PRDM6: variants seen among roughly 807,000 people sequenced by gnomAD.
PRDM6 encodes PR/SET domain 6, also known as putative histone-lysine N-methyltransferase PRDM6.
In PRDM6, 25 loss-of-function variants were observed where a neutral mutation model predicts 60.8. The observed-to-expected ratio is 0.41, with a 90% CI of 0.30 to 0.57. PRDM6 has a LOEUF of 0.57. Ranked by LOEUF, PRDM6 falls within the 20% of genes least tolerant of loss-of-function variation. The pLI, the probability that PRDM6 is intolerant of heterozygous loss-of-function variation, is 0.27. For synonymous variants in PRDM6, 407 were observed against 357.4 expected, an observed-to-expected ratio of 1.14 and a Z score of -1.57; for missense variants, 839 against 821.3, an observed-to-expected ratio of 1.02 and a Z score of -0.26.
intron 5 of PRDM6, among the ~76,000 whole-genome samples, chr5:123,164,610 C>G (rs1765714744): frequency 6.6e-6 from 1 of 152,192 alleles, no homozygotes; most frequent in South Asian, 2.1e-4. Flanking sequence ...GCTTCTGACT[C>G]TTCTGCAAGA....
intron 6 of PRDM6, among the ~76,000 whole-genome samples, chr5:123,177,581 A>G (rs1350898849): frequency 6.6e-6 from 1 of 152,184 alleles, no homozygotes; most frequent in African/African-American, 2.4e-5. Flanking sequence ...TTACCAATGC[A>G]TTTAAATTTT....
In PRDM6 at chr5:123,099,931, C is replaced by T; in HGVS notation, c.870C>T (p.Gly290=). Residue 290 remains glycine (G), a synonymous_variant, in exon 3 of 8, where the codon GGC becomes GGT. Coordinates refer to ENST00000407847, the MANE Select transcript of PRDM6 (RefSeq NM_001136239.4). This position sits in a 1 kb window ranked among gnomAD's most constrained non-coding sequence, Gnocchi z 4.0. The part of the protein sequence containing the change: ...VLLPPEKVQA[G]AVRNTQHLWE... ...TGCCCCCAGAGAAGGTGCAGGCAGGCGCCGTGAGGAACACGCAGCATCTCT... is the reference window on the plus strand; with the variant it reads ...TGCCCCCAGAGAAGGTGCAGGCAGGTGCCGTGAGGAACACGCAGCATCTCT... 2 of 1,535,614 alleles carry T rather than the reference C, an allele frequency of 1.3e-6. No individual in the cohort carries two copies. The highest frequency in any genetic ancestry group is 1.8e-6 in the Non-Finnish European group (2 of 1,136,864).
At chr5:123,115,082 C>T (rs1410153187) in intron 3 of PRDM6, among the ~76,000 whole-genome samples, 2 of 152,144 alleles carry the variant, frequency 1.3e-5, no homozygotes, top group Admixed American at 6.5e-5. Context: ...AGGTGTAAGA[C>T]ATCTGTAGTT....
Position 123,090,590 on chromosome 5 carries a change from C to T in PRDM6, c.576C>T (p.Thr192=), listed in dbSNP as rs1415274941. The T allele has an allele frequency of 1.5e-5, 23 of 1,524,110 alleles. No homozygotes were observed. Among genetic ancestry groups the T allele is most frequent in the Middle Eastern group, 2.3e-4 (1 of 4,360 alleles). 94.4% of individuals were successfully genotyped at this position (1,524,110 alleles called of 1,614,324 possible). ...AGATCATCCCGCTCAACCAGCACAC[C>T]AGCGACCCCAACAACCGTACGTAGC... The part of the protein sequence containing the change: ...RMEIIPLNQH[T]SDPNNRCDMC... The change falls in exon 2 of 8, where the codon ACC becomes ACT. Residue 192 remains threonine, a synonymous_variant. Coordinates refer to ENST00000407847, the MANE Select transcript of PRDM6 (RefSeq NM_001136239.4).
chr5:123,182,310 C>CA (rs1766183041), intron 7 of PRDM6, among the ~76,000 whole-genome samples: 1 of 152,194 alleles, frequency 6.6e-6, no homozygotes, highest in South Asian at 2.1e-4. Context: ...CAATGAGTGG[C>CA]ACGTTGCCTG....
At chr5:123,158,546 A>G (rs1028631324) in intron 4 of PRDM6, among the ~76,000 whole-genome samples, 1 of 152,242 alleles carries the variant, frequency 6.6e-6, no homozygotes, top group Non-Finnish European at 1.5e-5. Context: ...GAGAATCTGC[A>G]CTTTTTTATT....
rs113205514 is a variant in PRDM6, at chr5:123,150,052, C to G, written c.901-5832C>G. ...TTATGTCTAGACTGACGTTTCTCATCTAATAATAGTGTTGGTCTAAGGCTG... is the reference window on the plus strand; with the variant it reads ...TTATGTCTAGACTGACGTTTCTCATGTAATAATAGTGTTGGTCTAAGGCTG... On this transcript the variant is annotated intron_variant, in intron 3 of 7. Transcript: ENST00000407847. 9.3e-3 allele frequency among the ~76,000 whole-genome samples: 1,414 copies of G among 152,266 alleles called. 29 individuals are homozygous for G. The highest frequency in any genetic ancestry group is 0.032 in the African/African-American group (1,343 of 41,552).
At chr5:123,155,820 G>A in intron 3 of PRDM6, 64 bp from the exon 4 acceptor site, 1 of 1,521,094 alleles carries the variant, frequency 6.6e-7, no homozygotes, top group Non-Finnish European at 8.8e-7. Flanking sequence ...GACACCAAGG[G>A]AAGTAGGGAA....
intron 3 of PRDM6, among the ~76,000 whole-genome samples, chr5:123,141,221 TAAAA>T (rs1387427532): frequency 2.0e-5 from 3 of 151,938 alleles, no homozygotes; most frequent in African/African-American, 7.2e-5. Context: ...TATTTTAACT[TAAAA>T]AGAAATATGA....
intron 3 of PRDM6, among the ~76,000 whole-genome samples, chr5:123,153,734 A>G (rs1022614313): frequency 2.0e-5 from 3 of 152,114 alleles, no homozygotes; most frequent in African/African-American, 2.4e-5. Flanking sequence ...GTAGGGGGAA[A>G]CACTTTTCAT....
At chr5:123,136,403 C>G (rs372212) in intron 3 of PRDM6, among the ~76,000 whole-genome samples, 1 of 151,846 alleles carries the variant, frequency 6.6e-6, no homozygotes, top group Non-Finnish European at 1.5e-5. Flanking sequence ...CCGAACAGAG[C>G]AGACTGTTTT....
intron 3 of PRDM6, among the ~76,000 whole-genome samples, chr5:123,130,457 A>G (rs985808611): frequency 6.6e-6 from 1 of 151,182 alleles, no homozygotes; most frequent in African/African-American, 2.4e-5. Context: ...AGCATGAGGA[A>G]TAACTATTTT....
At chr5:123,153,286 A>G (rs1260847383) in intron 3 of PRDM6, among the ~76,000 whole-genome samples, 2 of 151,672 alleles carry the variant, frequency 1.3e-5, no homozygotes, top group African/African-American at 2.4e-5. Flanking sequence ...GACTCTTGCT[A>G]TACTTTAGGT....
intron 3 of PRDM6, among the ~76,000 whole-genome samples, chr5:123,111,524 C>A (rs1764311669): frequency 6.6e-6 from 1 of 152,168 alleles, no homozygotes. Flanking sequence ...CGGTGAAACC[C>A]CGTCTTTACT....
At chr5:123,120,712 T>C (rs2150217598) in intron 3 of PRDM6, among the ~76,000 whole-genome samples, 1 of 152,354 alleles carries the variant, frequency 6.6e-6, no homozygotes, top group African/African-American at 2.4e-5. Context: ...CTAGTGTAAT[T>C]TGTATTCTTT....
Position 123,194,084 on chromosome 5 carries a change from C to T in PRDM6, c.*6883C>T, listed in dbSNP as rs889355662. Reference sequence around the variant, plus strand: ...TAAAGTTTTCTAACTTTATTAAACTCACATTATTTAATGAAAAAATAACTG... The same window carrying T: ...TAAAGTTTTCTAACTTTATTAAACTTACATTATTTAATGAAAAAATAACTG... On this transcript the variant is annotated 3_prime_UTR_variant, in exon 8 of 8. Coordinates refer to ENST00000407847, the MANE Select transcript of PRDM6 (RefSeq NM_001136239.4). The T allele has an allele frequency of 6.6e-6, 1 of 152,016 alleles. No individual in the cohort carries two copies. The highest frequency in any genetic ancestry group is 1.5e-5 in the Non-Finnish European group (1 of 68,010). 9.4% of individuals were successfully genotyped at this position (152,016 alleles called of 1,614,324 possible). A position where few individuals can be genotyped will look rare whatever the true frequency, so the allele number is the denominator to read the frequency against.
At chr5:123,092,061 T>C (rs1369037627) in intron 2 of PRDM6, among the ~76,000 whole-genome samples, 1 of 152,236 alleles carries the variant, frequency 6.6e-6, no homozygotes, top group African/African-American at 2.4e-5. Context: ...TTTACTTTTT[T>C]CTTTATGAAG....
rs556861250 is a variant in PRDM6 at position 123,180,213 on chromosome 5, C to T, written c.1563C>T (p.Val521=). The change falls in exon 7 of 8, where the codon GTC becomes GTT. Residue 521 remains valine (V), a synonymous_variant. Transcript: ENST00000407847. ...CTTCAGAACTGAGGAACCACGTGGT[C>T]ACTCACTCTAGTGACCGGCCTTTCA... ...SQPSELRNHV[V]THSSDRPFKC... The T allele has an allele frequency of 3.2e-6, 5 of 1,552,156 alleles. No individual in the cohort carries two copies. The East Asian group carries it at 1.2e-4, about 38-fold the overall frequency.
intron 5 of PRDM6, among the ~76,000 whole-genome samples, chr5:123,161,564 T>C (rs747821442): frequency 6.6e-6 from 1 of 152,194 alleles, no homozygotes; most frequent in Non-Finnish European, 1.5e-5. Context: ...CATGTGTTAG[T>C]AGGTAGAAGA....
Sources: allele counts gnomAD v4.1 joint callset (sites outside exome capture counted in the v4.1 genomes callset), GRCh38; gene constraint gnomAD v4.1.1; non-coding constraint Gnocchi (gnomAD v3.1); transcripts MANE v1.5; gene names NCBI Gene and HGNC (gene_info 2026-07-23, HGNC 2026-07-21).